NFIA: variants seen among roughly 807,000 people sequenced by gnomAD.
NFIA encodes nuclear factor I A, also known as nuclear factor 1 A-type.
In NFIA, 8 loss-of-function variants were observed where a neutral mutation model predicts 62.8. The observed-to-expected ratio is 0.13, with a 90% confidence interval of 0.07 to 0.23. The LOEUF (loss-of-function observed/expected upper bound fraction) is 0.23, where lower values mean the gene tolerates loss of function less well. NFIA is among the 10% of genes least tolerant of loss of function. The probability of loss-of-function intolerance (pLI) is 1.00; values close to 1 mark genes in which losing one functional copy is unlikely to be tolerated. For missense variants in NFIA, 410 were observed against 642.1 expected (o/e 0.64, Z 3.91); for synonymous variants, 235 against 238.1 (o/e 0.99, Z 0.12).
In NFIA at chr1:61,457,600, G is replaced by A. The variant is rs1330061520; in HGVS notation, c.*2280G>A. 6.6e-6 allele frequency: 1 copy of A among 152,088 alleles called. No homozygotes were observed. Among genetic ancestry groups the A allele is most frequent in the Non-Finnish European group, 1.5e-5 (1 of 68,008 alleles). 9.4% of individuals were successfully genotyped at this position (152,088 alleles called of 1,614,324 possible). On this transcript the variant is annotated 3_prime_UTR_variant, in exon 11 of 11. Transcript: ENST00000403491. The surrounding 1 kb of genome is among the most constrained non-coding windows in gnomAD (Gnocchi z 4.2). ...AATATGCAATACCTGCTTATATCAT[G>A]TAGAAAAGCTTAGCAATTATTAATT...
At chr1:61,329,447 A>C (rs1210567202) in intron 3 of NFIA, among the ~76,000 whole-genome samples, 1 of 143,824 alleles carries the variant, frequency 7.0e-6, no homozygotes, top group Non-Finnish European at 1.5e-5. Context: ...CAGTGGCACG[A>C]TCTCGGCTCA....
At chr1:61,264,594 T>C (rs376664778) in intron 2 of NFIA, among the ~76,000 whole-genome samples, 1 of 131,062 alleles carries the variant, frequency 7.6e-6, no homozygotes, top group East Asian at 2.1e-4. Context: ...AAGGTTGCAG[T>C]GAGCCGAGAT....
intron 2 of NFIA, among the ~76,000 whole-genome samples, chr1:61,257,947 C>A (rs994104357): frequency 3.6e-5 from 5 of 140,454 alleles, no homozygotes; most frequent in Non-Finnish European, 7.5e-5. Context: ...AAATGATGCT[C>A]TCATCTTGGC....
intron 2 of NFIA, among the ~76,000 whole-genome samples, chr1:61,239,501 ATTC>A (rs1298939867): frequency 3.3e-5 from 5 of 152,128 alleles, no homozygotes; most frequent in Admixed American, 2.6e-4. Flanking sequence ...TCTAATATGT[ATTC>A]TTCTTCAACA....
chr1:61,151,206 G>GTTGT (rs1553155713), intron 2 of NFIA, among the ~76,000 whole-genome samples: 3 of 151,828 alleles, frequency 2.0e-5, no homozygotes, highest in South Asian at 4.2e-4. Flanking sequence ...TTTTGTTGTT[G>GTTGT]TTGTTTGTTT....
At chr1:61,406,313 T>A (rs1665816862) in intron 8 of NFIA, among the ~76,000 whole-genome samples, 1 of 152,178 alleles carries the variant, frequency 6.6e-6, no homozygotes, top group Admixed American at 6.5e-5. Context: ...AAGGACAATG[T>A]AGTTCAAGAG....
At chr1:61,288,033 G>A (rs1346221228) in intron 3 of NFIA, among the ~76,000 whole-genome samples, 3 of 152,074 alleles carry the variant, frequency 2.0e-5, no homozygotes, top group East Asian at 3.9e-4. Context: ...AGTTTTCTTG[G>A]AACAATAAAC....
intron 2 of NFIA, among the ~76,000 whole-genome samples, chr1:61,146,787 G>A (rs370253551): frequency 2.0e-5 from 3 of 152,194 alleles, no homozygotes; most frequent in South Asian, 2.1e-4. Flanking sequence ...CACAGAAGAC[G>A]TGTGTAAAGT....
At chr1:61,094,495 A>G (rs1646377623) in intron 2 of NFIA, among the ~76,000 whole-genome samples, 1 of 152,222 alleles carries the variant, frequency 6.6e-6, no homozygotes. Flanking sequence ...AGTTTTTAGG[A>G]AAAGGTTTTG....
chr1:61,345,428 C>A (rs1031622855), intron 4 of NFIA, among the ~76,000 whole-genome samples: 3 of 152,184 alleles, frequency 2.0e-5, no homozygotes, highest in African/African-American at 7.2e-5. Context: ...ATGTGTATCA[C>A]CTCTGACTTC....
intron 3 of NFIA, among the ~76,000 whole-genome samples, chr1:61,304,589 G>T (rs1659658159): frequency 6.6e-6 from 1 of 152,132 alleles, no homozygotes; most frequent in African/African-American, 2.4e-5. Flanking sequence ...GAGGCAGTGG[G>T]GAACAGGACA....
chr1:61,420,712 G>T (rs1403317243), intron 9 of NFIA, among the ~76,000 whole-genome samples: 1 of 152,136 alleles, frequency 6.6e-6, no homozygotes, highest in Non-Finnish European at 1.5e-5. Context: ...ATATGTCTGA[G>T]TTTCTGAAAA....
chr1:61,250,986 G>A (rs1655995402), intron 2 of NFIA: 1 of 152,134 alleles, frequency 6.6e-6, no homozygotes, highest in Non-Finnish European at 1.5e-5. Context: ...CATAGACACA[G>A]AAAAAAGATG....
chr1:61,445,623 C>T (rs1441800617), intron 10 of NFIA, among the ~76,000 whole-genome samples: 2 of 152,142 alleles, frequency 1.3e-5, no homozygotes, highest in Non-Finnish European at 2.9e-5. Flanking sequence ...TTCACTGGTT[C>T]CGGGTTTGGG....
At chr1:61,181,364 A>T (rs967150985) in intron 2 of NFIA, among the ~76,000 whole-genome samples, 16 of 152,346 alleles carry the variant, frequency 1.1e-4, no homozygotes, top group African/African-American at 3.8e-4. Flanking sequence ...TTGTTGTGCA[A>T]TGAGGGAATT....
At chr1:61,402,927 T>TACAAA (rs1665642926) in intron 7 of NFIA, among the ~76,000 whole-genome samples, 6 of 152,182 alleles carry the variant, frequency 3.9e-5, no homozygotes, top group South Asian at 2.1e-4. Flanking sequence ...AAAGAACCTA[T>TACAAA]GCCCAGCAAC....
chr1:61,190,272 A>G (rs577623470), intron 2 of NFIA, among the ~76,000 whole-genome samples: 8 of 152,308 alleles, frequency 5.3e-5, no homozygotes, highest in African/African-American at 1.7e-4. Flanking sequence ...TTCCATCTCC[A>G]TGATGCTTTG....
intron 2 of NFIA, among the ~76,000 whole-genome samples, chr1:61,256,551 C>T (rs924482850): frequency 1.3e-5 from 2 of 151,602 alleles, no homozygotes; most frequent in Non-Finnish European, 2.9e-5. Context: ...GTGGGTTGGA[C>T]GAGCTTGGTT....
At chr1:61,404,026 A>G (rs868300817) in intron 7 of NFIA, 78 bp from the exon 8 acceptor site, 1 of 1,493,288 alleles carries the variant, frequency 6.7e-7, no homozygotes, top group African/African-American at 1.4e-5. Context: ...AGAGAAATAA[A>G]GGAGGAAGTT....
Sources: allele counts gnomAD v4.1 joint callset (sites outside exome capture counted in the v4.1 genomes callset), GRCh38; gene constraint gnomAD v4.1.1; non-coding constraint Gnocchi (gnomAD v3.1); transcripts MANE v1.5; gene names NCBI Gene and HGNC (gene_info 2026-07-23, HGNC 2026-07-21).